Variants in EMG1 observed in about 807,000 individuals in gnomAD.
EMG1 encodes EMG1 N1-specific pseudouridine methyltransferase.
EMG1 carries 24 observed loss-of-function variants against 26.9 expected under a neutral mutation model. The observed-to-expected ratio is 0.89, with a 90% CI of 0.65 to 1.26. The LOEUF is 1.26. Ranked by LOEUF, EMG1 falls within the 50% of genes most tolerant of loss-of-function variation. The pLI, the probability that EMG1 is intolerant of heterozygous loss-of-function variation, is 0.00. For missense variants in EMG1, 299 were observed against 307.6 expected, an observed-to-expected ratio of 0.97 and a Z score of 0.21; for synonymous variants, 140 against 112.6, an observed-to-expected ratio of 1.24 and a Z score of -1.54.
intron 7 of EMG1, among the ~76,000 whole-genome samples, chr12:6,993,817 G>A (rs192929440): frequency 5.4e-4 from 82 of 152,072 alleles, no homozygotes; most frequent in African/African-American, 1.9e-3. Context: ...TCACTATGTT[G>A]CTCAGGCTGG....
chr12:6,990,916 C>CAAAAAAA (rs59031613), downstream of EMG1, among the ~76,000 whole-genome samples: 2 of 68,136 alleles, frequency 2.9e-5, no homozygotes, highest in African/African-American at 3.8e-5. Context: ...GACTCCAAAT[C>CAAAAAAA]AAAAAAAAAA....
downstream of EMG1, chr12:6,982,651 G>C (rs782631959): frequency 1.2e-5 from 19 of 1,553,584 alleles, no homozygotes; most frequent in Non-Finnish European, 1.7e-5. Context: ...GCTGTAGCCT[G>C]AGCTGCTAAG....
chr12:6,975,622 T>C (rs1280825631), intron 5 of EMG1, 74 bp from the exon 6 acceptor site: 1 of 1,112,666 alleles, frequency 9.0e-7, no homozygotes, highest in African/African-American at 1.5e-5. Flanking sequence ...TCAGCCATAG[T>C]TTTCCTGCCC....
downstream of EMG1, among the ~76,000 whole-genome samples, chr12:6,992,468 C>T (rs914362507): frequency 1.3e-5 from 2 of 152,248 alleles, no homozygotes; most frequent in South Asian, 2.1e-4. Context: ...TGTGCTAAGG[C>T]GCCAGCAGTT....
Position 6,973,091 on chromosome 12 carries a change from C to T in EMG1, c.169-1248C>T, listed in dbSNP as rs782069418. 7.3e-5 allele frequency among the ~76,000 whole-genome samples: 11 copies of T among 151,422 alleles called. No individual in the cohort carries two copies. The East Asian group carries it at 9.8e-4, about 13-fold the overall frequency. On this transcript the variant is annotated intron_variant, in intron 1 of 5. Coordinates refer to ENST00000599672, the MANE Select transcript of EMG1 (RefSeq NM_006331.8). ...CTGGGCTCAAGTGATCCTTCCACCT[C>T]GGCCTCCTAAAGTGTTGGGATCACA... is the stretch of plus-strand genomic sequence containing the variant.
chr12:6,988,019 C>A (rs991967161), intron 7 of EMG1: 1 of 389,644 alleles, frequency 2.6e-6, no homozygotes. Flanking sequence ...TTACGGCAGG[C>A]CTTAGAAACC....
At chr12:6,994,124 C>A (rs60834108) in intron 7 of EMG1, among the ~76,000 whole-genome samples, 10,233 of 152,196 alleles carry the variant, frequency 0.067, 440 homozygotes, top group African/African-American at 0.098. Context: ...GGTATGAGCC[C>A]ATGTACAAGT....
chr12:6,997,417 G>A, exon 8 of EMG1: 1 of 150,262 alleles, frequency 6.7e-6, no homozygotes, highest in East Asian at 1.9e-4. Context: ...GTGTGTGTGT[G>A]TGTGTGTGTG....
downstream of EMG1, among the ~76,000 whole-genome samples, chr12:6,980,548 GTC>G (rs140370744): frequency 4.2e-4 from 63 of 151,804 alleles, 3 homozygotes; most frequent in East Asian, 0.012. Flanking sequence ...TAGAGACAGA[GTC>G]TCTCTATGTT....
chr12:6,997,053 C>A (rs772717196), intron 7 of EMG1, among the ~76,000 whole-genome samples: 1 of 152,050 alleles, frequency 6.6e-6, no homozygotes, highest in African/African-American at 2.4e-5. Flanking sequence ...AGGAAAAGGA[C>A]AAATTAAAGA....
chr12:6,976,423 C>G lies in EMG1; in HGVS notation c.*614C>G, dbSNP rs1486125991. ...GGAGATGTGAGCCCCTCTGCTCCTC[C>G]CACAAGAGTTTCCCCTTTGGGCCGG... is the stretch of plus-strand genomic sequence containing the variant. On this transcript the variant is annotated 3_prime_UTR_variant, in exon 6 of 6. Transcript: ENST00000599672. The G allele has an allele frequency of 6.5e-6, 1 of 153,472 alleles. No homozygotes were observed. The highest frequency in any genetic ancestry group is 1.5e-5 in the Non-Finnish European group (1 of 68,758). The allele number at this position is 153,472 out of a possible 1,614,324, so 9.5% of individuals were successfully genotyped here.
chr12:6,975,295 A>G lies in EMG1; in HGVS notation c.538A>G (p.Ile180Val). 2 of 1,612,396 alleles carry G rather than the reference A, an allele frequency of 1.2e-6. No individual in the cohort carries two copies. Among genetic ancestry groups the G allele is most frequent in the Non-Finnish European group, 1.7e-6 (2 of 1,179,084 alleles). ...TATGAAAGTTGGCACTTCTTTTTCC[A>G]TCCCGGTTGTCAGTGATGTGCGTGA... ...GCMKVGTSFS[I>V]PVVSDVRELV... The change falls in exon 5 of 6, where the codon ATC (isoleucine) becomes GTC (valine). Residue 180 changes from isoleucine to valine, a missense_variant. Coordinates refer to ENST00000599672, the MANE Select transcript of EMG1 (RefSeq NM_006331.8).
At chr12:6,995,502 TC>T (rs1946628950) in intron 7 of EMG1, among the ~76,000 whole-genome samples, 2 of 151,944 alleles carry the variant, frequency 1.3e-5, no homozygotes, top group Admixed American at 6.6e-5. Context: ...TTTTCCTTCT[TC>T]ATATTGGTTC....
chr12:6,991,567 C>T (rs1478966580), downstream of EMG1, among the ~76,000 whole-genome samples: 4 of 152,162 alleles, frequency 2.6e-5, no homozygotes, highest in Non-Finnish European at 4.4e-5. Flanking sequence ...TGGTCAAGCT[C>T]ATGGGAGTGG....
intron 7 of EMG1, chr12:6,988,136 T>C: frequency 4.0e-6 from 1 of 247,472 alleles, no homozygotes; most frequent in African/African-American, 2.2e-5. Context: ...TCTGGCCACT[T>C]AGAGGCCTTG....
At position 6,978,949 on chromosome 12, in the gene EMG1, T is replaced by C. The variant is rs1043980921; in HGVS notation, c.*3140T>C. On this transcript the variant is annotated 3_prime_UTR_variant, in exon 6 of 6. Transcript: ENST00000599672. ...TTAACTTCTCTACTGTTTGCCTTCG[T>C]TGGCAAAGTGTTTGGAATGAGCATT... 8 of 460,970 alleles carry C rather than the reference T, an allele frequency of 1.7e-5. No individual in the cohort carries two copies. The Middle Eastern group carries it at 1.7e-3, about 99-fold the overall frequency. 28.6% of individuals were successfully genotyped at this position (460,970 alleles called of 1,614,324 possible).
chr12:6,997,159 A>C (rs1462036775), intron 7 of EMG1: 2 of 152,154 alleles, frequency 1.3e-5, no homozygotes, highest in Non-Finnish European at 2.9e-5. Context: ...TCCTCCTTTC[A>C]CATTTTAAAG....
chr12:6,976,007 C>A lies in EMG1; in HGVS notation c.*198C>A. 1.8e-6 allele frequency: 1 copy of A among 544,770 alleles called. No homozygotes were observed. Among genetic ancestry groups the A allele is most frequent in the South Asian group, 2.4e-5 (1 of 41,562 alleles). The allele number at this position is 544,770 out of a possible 1,614,324, so 33.7% of individuals were successfully genotyped here. On this transcript the variant is annotated 3_prime_UTR_variant, in exon 6 of 6. Transcript: ENST00000599672. ...GTTGTTTTGGGGTTCCTAAAGTATC[C>A]AGTGGTGTAAAACTGTTTGTTCCCC... is the stretch of plus-strand genomic sequence containing the variant.
At chr12:6,975,617 CAT>C (rs1946385820) in intron 5 of EMG1, 77 bp from the exon 6 acceptor site, 7 of 1,065,388 alleles carry the variant, frequency 6.6e-6, no homozygotes, top group South Asian at 1.3e-5. Context: ...CTAGCTCAGC[CAT>C]AGTTTTCCTG....
Sources: allele counts gnomAD v4.1 joint callset (sites outside exome capture counted in the v4.1 genomes callset), GRCh38; gene constraint gnomAD v4.1.1; transcripts MANE v1.5; gene names NCBI Gene and HGNC (gene_info 2026-07-23, HGNC 2026-07-21).